Variants in ZDHHC15 observed in about 807,000 individuals in gnomAD.
The protein encoded by ZDHHC15 is palmitoyltransferase ZDHHC15.
Under a neutral mutation model 31.7 loss-of-function variants are expected in ZDHHC15, and 19 were observed. The ratio of observed to expected loss-of-function variants is 0.60; its 90% CI spans 0.42 to 0.88. The LOEUF is 0.88. Among genes scored for constraint, ZDHHC15 ranks in the 40% least tolerant of loss-of-function variants. The pLI is 0.00. For missense variants in ZDHHC15, 209 were observed against 251.2 expected, an observed-to-expected ratio of 0.83 and a Z score of 1.14; for synonymous variants, 103 against 90.0, an observed-to-expected ratio of 1.14 and a Z score of -0.82.
At chrX:75,492,248 G>A (rs1203143615) in intron 2 of ZDHHC15, among the ~76,000 whole-genome samples, 3 of 111,597 alleles carry the variant, frequency 2.7e-5, no homozygotes, top group African/African-American at 9.8e-5. Flanking sequence ...AAATATATAT[G>A]AACCCAATAC....
intron 3 of ZDHHC15, among the ~76,000 whole-genome samples, chrX:75,463,969 T>C (rs1006856724): frequency 1.8e-5 from 2 of 111,792 alleles, no homozygotes; most frequent in Non-Finnish European, 3.8e-5. Flanking sequence ...CATGCTGCTA[T>C]AAAGACACAC....
chrX:75,429,873 C>T, intron 6 of ZDHHC15, 75 bp downstream of exon 6: 1 of 1,034,734 alleles, frequency 9.7e-7, no homozygotes, highest in Non-Finnish European at 1.3e-6. Context: ...CATGTGACAA[C>T]TATGCTTAGA....
At chrX:75,427,331 C>T (rs1052290834) in intron 7 of ZDHHC15, among the ~76,000 whole-genome samples, 4 of 111,201 alleles carry the variant, frequency 3.6e-5, no homozygotes, top group African/African-American at 1.3e-4. Flanking sequence ...AGGTTATGTT[C>T]ACTCTTGGTA....
At chrX:75,422,033 A>G (rs113565670) in intron 8 of ZDHHC15, 43 bp from the exon 9 acceptor site, 2 of 1,168,358 alleles carry the variant, frequency 1.7e-6, no homozygotes, top group Admixed American at 2.5e-5. Context: ...GAAGAAAGCA[A>G]TAAAGAAACA....
At chrX:75,419,239 A>T (rs1294474701) in intron 9 of ZDHHC15, among the ~76,000 whole-genome samples, 1 of 112,015 alleles carries the variant, frequency 8.9e-6, no homozygotes, top group African/African-American at 3.2e-5. Flanking sequence ...CAATGAACTC[A>T]AACAAATTTA....
chrX:75,442,538 T>A (rs2083957559), intron 4 of ZDHHC15, among the ~76,000 whole-genome samples: 2 of 111,471 alleles, frequency 1.8e-5, no homozygotes, highest in South Asian at 7.6e-4. Flanking sequence ...ATGAGTGAAC[T>A]CCCATTCACA....
In ZDHHC15 at chrX:75,370,993, T is replaced by A. The variant is rs1212244540; in HGVS notation, c.*1985A>T. ...GGGAGCTGAGTGCTGATACACCCTA[T>A]GCATCAAAGAAGTTCTTGATGTTTT... On this transcript the variant is annotated 3_prime_UTR_variant, in exon 12 of 12. Transcript: ENST00000373367. The A allele has an allele frequency of 4.5e-5, 5 of 111,861 alleles. No individual in the cohort carries two copies. Among genetic ancestry groups the A allele is most frequent in the Non-Finnish European group, 7.5e-5 (4 of 53,240 alleles). The allele number at this position is 111,861 out of a possible 1,213,427, so 9.2% of individuals were successfully genotyped here.
chrX:75,383,092 C>A (rs1379336252), intron 10 of ZDHHC15, among the ~76,000 whole-genome samples: 1 of 111,535 alleles, frequency 9.0e-6, no homozygotes, highest in Non-Finnish European at 1.9e-5. Flanking sequence ...AGGAGAGATA[C>A]TGGGTGGTAT....
At chrX:75,407,384 G>T (rs1257777682) in intron 10 of ZDHHC15, among the ~76,000 whole-genome samples, 1 of 109,778 alleles carries the variant, frequency 9.1e-6, no homozygotes, top group Admixed American at 9.4e-5. Flanking sequence ...CAGCCGCCCC[G>T]TCCAGGAGGT....
chrX:75,409,748 T>C (rs2083462921), intron 10 of ZDHHC15, among the ~76,000 whole-genome samples: 1 of 93,929 alleles, frequency 1.1e-5, no homozygotes, highest in Non-Finnish European at 2.1e-5. Flanking sequence ...TGAGCTGAGA[T>C]TGAGCAACTG....
chrX:75,401,369 C>G (rs780140121), intron 10 of ZDHHC15, among the ~76,000 whole-genome samples: 46 of 111,464 alleles, frequency 4.1e-4, no homozygotes, highest in Non-Finnish European at 8.1e-4. Flanking sequence ...AGTACAATGA[C>G]AGGATCAAAT....
intron 3 of ZDHHC15, among the ~76,000 whole-genome samples, chrX:75,474,125 G>C (rs1186418963): frequency 3.6e-5 from 4 of 110,787 alleles, no homozygotes; most frequent in Non-Finnish European, 7.5e-5. Flanking sequence ...TGTCTGTGAG[G>C]GTGCTGCCAT....
intron 11 of ZDHHC15, among the ~76,000 whole-genome samples, chrX:75,374,683 G>GTATA (rs776896684): frequency 1.1e-5 from 1 of 91,090 alleles, no homozygotes; most frequent in East Asian, 9.2e-4. Context: ...GTGTGTGTGT[G>GTATA]TGTGTATATA....
chrX:75,426,324 C>G (rs920078744), intron 7 of ZDHHC15, among the ~76,000 whole-genome samples: 1 of 111,672 alleles, frequency 9.0e-6, no homozygotes, highest in Admixed American at 9.5e-5. Flanking sequence ...AGTCAGTCCA[C>G]AGTCTGTCTG....
intron 3 of ZDHHC15, among the ~76,000 whole-genome samples, chrX:75,477,851 T>C (rs2084630546): frequency 8.9e-6 from 1 of 112,315 alleles, no homozygotes; most frequent in Admixed American, 9.5e-5. Context: ...AATCCATTTA[T>C]GTTTCAAGTA....
intron 2 of ZDHHC15, among the ~76,000 whole-genome samples, chrX:75,489,438 T>A (rs2084834591): frequency 9.0e-6 from 1 of 111,468 alleles, no homozygotes; most frequent in Admixed American, 9.5e-5. Flanking sequence ...CTCACCAATA[T>A]CCGCTGTTCT....
At chrX:75,421,141 T>C (rs1225684336) in intron 9 of ZDHHC15, among the ~76,000 whole-genome samples, 1 of 105,055 alleles carries the variant, frequency 9.5e-6, no homozygotes, top group African/African-American at 3.5e-5. Flanking sequence ...CTCTTCTATA[T>C]ATATTTATGT....
intron 2 of ZDHHC15, among the ~76,000 whole-genome samples, chrX:75,495,783 C>T (rs5938084): frequency 1.2e-4 from 5 of 41,484 alleles, no homozygotes; most frequent in Middle Eastern, 0.024. Flanking sequence ...GACTGTTGTA[C>T]GGTGGGGGGA....
rs763959034 is a variant in ZDHHC15, at chrX:75,429,998, TAC to T, written c.450-20_450-19del. The T allele has an allele frequency of 2.5e-6, 3 of 1,202,753 alleles. No homozygotes were observed. Among genetic ancestry groups the T allele is most frequent in the Non-Finnish European group, 3.4e-6 (3 of 889,460 alleles). On this transcript the variant is annotated intron_variant, in intron 5 of 11. Coordinates refer to ENST00000373367, the MANE Select transcript of ZDHHC15 (RefSeq NM_144969.3). ...ACACACACCTACGAAGGGGACAAAA[TAC>T]AGTGTGATAAGTGAGGCTATGGAAA...
Sources: allele counts gnomAD v4.1 joint callset (sites outside exome capture counted in the v4.1 genomes callset), GRCh38; gene constraint gnomAD v4.1.1; transcripts MANE v1.5; gene names NCBI Gene and HGNC (gene_info 2026-07-23, HGNC 2026-07-21).